MALRD1: variants seen among roughly 807,000 people sequenced by gnomAD.
MALRD1 encodes MAM and LDL receptor class A domain containing 1.
Under a neutral mutation model 242.1 loss-of-function variants are expected in MALRD1, and 247 were observed. That is an observed-to-expected ratio of 1.02 (90% CI 0.92 to 1.13). The LOEUF (loss-of-function observed/expected upper bound fraction) is 1.13, where lower values mean the gene tolerates loss of function less well. Among genes scored for constraint, MALRD1 ranks in the 50% most tolerant of loss-of-function variants. The pLI is 0.00. For synonymous variants in MALRD1, 995 were observed against 866.6 expected, an observed-to-expected ratio of 1.15 and a Z score of -2.60; for missense variants, 2,989 against 2,533.1, an observed-to-expected ratio of 1.18 and a Z score of -3.86.
intron 32 of MALRD1, among the ~76,000 whole-genome samples, chr10:19,559,460 A>T (rs1168969681): frequency 6.6e-6 from 1 of 152,092 alleles, no homozygotes; most frequent in Non-Finnish European, 1.5e-5. Flanking sequence ...ATATACTTTG[A>T]TTAAGCATAT....
intron 2 of MALRD1, among the ~76,000 whole-genome samples, chr10:19,071,965 A>G (rs1377778370): frequency 6.6e-6 from 1 of 152,186 alleles, no homozygotes; most frequent in Non-Finnish European, 1.5e-5. Context: ...GAAGATATAA[A>G]AGTGAACAAG....
chr10:19,478,022 A>G (rs1836822111), intron 29 of MALRD1, among the ~76,000 whole-genome samples: 1 of 152,182 alleles, frequency 6.6e-6, no homozygotes, highest in Non-Finnish European at 1.5e-5. Flanking sequence ...CTGTGTCTGC[A>G]GCTGAATTTT....
intron 10 of MALRD1, among the ~76,000 whole-genome samples, chr10:19,144,057 A>G (rs1478795621): frequency 6.6e-6 from 1 of 152,238 alleles, no homozygotes; most frequent in Admixed American, 6.5e-5. Flanking sequence ...TATATGGGCA[A>G]ACTGCACTTC....
intron 31 of MALRD1, among the ~76,000 whole-genome samples, chr10:19,527,650 A>G (rs1834165576): frequency 6.6e-6 from 1 of 152,224 alleles, no homozygotes; most frequent in Non-Finnish European, 1.5e-5. Flanking sequence ...ACTATAAAAT[A>G]GAAATAACTT....
chr10:19,428,662 T>C (rs527650278), intron 28 of MALRD1, among the ~76,000 whole-genome samples: 1 of 151,590 alleles, frequency 6.6e-6, no homozygotes, highest in South Asian at 2.1e-4. Flanking sequence ...CCAGAAACTC[T>C]TTCAATCATT....
chr10:19,237,968 C>A (rs188309865), intron 18 of MALRD1, among the ~76,000 whole-genome samples: 1 of 4,496 alleles, frequency 2.2e-4, no homozygotes, highest in African/African-American at 6.3e-4. Flanking sequence ...TAATTTTATA[C>A]AGTTATATAT....
At chr10:19,246,429 G>C (rs957531671) in intron 18 of MALRD1, among the ~76,000 whole-genome samples, 1 of 152,096 alleles carries the variant, frequency 6.6e-6, no homozygotes, top group Non-Finnish European at 1.5e-5. Context: ...GGCATGAGGC[G>C]CTAGTGCTTA....
intron 33 of MALRD1, among the ~76,000 whole-genome samples, chr10:19,593,370 T>G (rs117059524): frequency 0.038 from 5,741 of 152,290 alleles, 189 homozygotes; most frequent in Middle Eastern, 0.085. Flanking sequence ...AAATACCTTC[T>G]AGATACATCT....
intron 4 of MALRD1, among the ~76,000 whole-genome samples, chr10:19,099,917 C>A (rs953578408): frequency 4.6e-5 from 7 of 151,880 alleles, no homozygotes; most frequent in African/African-American, 4.8e-5. Flanking sequence ...TGTACCACCA[C>A]ACCTGGCTAA....
At chr10:19,266,631 A>G (rs1426082047) in intron 19 of MALRD1, among the ~76,000 whole-genome samples, 1 of 151,930 alleles carries the variant, frequency 6.6e-6, no homozygotes, top group Non-Finnish European at 1.5e-5. Flanking sequence ...AATCACTTAT[A>G]ACTCTAAATA....
intron 26 of MALRD1, among the ~76,000 whole-genome samples, chr10:19,355,983 C>G (rs532412366): frequency 6.7e-6 from 1 of 149,780 alleles, no homozygotes; most frequent in South Asian, 2.1e-4. Flanking sequence ...ATAAGTCACT[C>G]TAAATATTTT....
chr10:19,187,400 A>G lies in MALRD1; in HGVS notation c.1951+12072A>G, dbSNP rs575474743. The stretch of plus-strand genomic sequence containing the variant: ...CATCTCAGTTACAAGGTGGTATTGT[A>G]ACAAAGACTTGAGAAGGTGAGGAAA... On this transcript the variant is annotated intron_variant, in intron 14 of 39. Transcript: ENST00000454679. Among the ~76,000 whole-genome samples, 4 of 152,304 alleles carry G rather than the reference A, an allele frequency of 2.6e-5. No individual in the cohort carries two copies. The South Asian group carries it at 8.3e-4, about 32-fold the overall frequency.
intron 11 of MALRD1, among the ~76,000 whole-genome samples, chr10:19,150,717 C>CT (rs1398181462): frequency 3.9e-5 from 6 of 152,202 alleles, no homozygotes; most frequent in African/African-American, 1.2e-4. Flanking sequence ...GCTAAATATG[C>CT]TTTTTTTCTA....
At chr10:19,238,864 C>G (rs1194439853) in intron 18 of MALRD1, among the ~76,000 whole-genome samples, 1 of 151,190 alleles carries the variant, frequency 6.6e-6, no homozygotes, top group East Asian at 1.9e-4. Context: ...GTTCCCTTTT[C>G]TCCACTTCCT....
intron 17 of MALRD1, among the ~76,000 whole-genome samples, chr10:19,208,136 G>A (rs904772492): frequency 1.3e-5 from 2 of 151,598 alleles, no homozygotes; most frequent in African/African-American, 2.4e-5. Flanking sequence ...ACTGCTAAAA[G>A]CAAAACATCA....
At chr10:19,119,463 T>C (rs1404699141) in intron 5 of MALRD1, among the ~76,000 whole-genome samples, 1 of 151,990 alleles carries the variant, frequency 6.6e-6, no homozygotes, top group Non-Finnish European at 1.5e-5. Flanking sequence ...ACTTGGTGGG[T>C]TGGGGGAAGC....
At chr10:19,308,100 T>A (rs1275142199) in intron 21 of MALRD1, among the ~76,000 whole-genome samples, 1 of 151,614 alleles carries the variant, frequency 6.6e-6, no homozygotes, top group Non-Finnish European at 1.5e-5. Flanking sequence ...GTCACCCCAG[T>A]GTGCTGTCAA....
intron 28 of MALRD1, among the ~76,000 whole-genome samples, chr10:19,397,911 C>T (rs1207021127): frequency 8.1e-5 from 12 of 148,414 alleles, no homozygotes; most frequent in African/African-American, 2.1e-4. Flanking sequence ...TTAGTGATGC[C>T]GAGCATTTTT....
At chr10:19,453,398 G>A (rs372582684) in intron 29 of MALRD1, among the ~76,000 whole-genome samples, 3 of 152,054 alleles carry the variant, frequency 2.0e-5, no homozygotes, top group Admixed American at 6.6e-5. Context: ...TTGATATTGG[G>A]TTTCTTCATG....
Sources: allele counts gnomAD v4.1 joint callset (sites outside exome capture counted in the v4.1 genomes callset), GRCh38; gene constraint gnomAD v4.1.1; transcripts MANE v1.5; gene names NCBI Gene and HGNC (gene_info 2026-07-23, HGNC 2026-07-21).